ZNF143: variants seen among roughly 807,000 people sequenced by gnomAD.
ZNF143 encodes the protein zinc finger protein 143.
A neutral mutation model predicts 74.1 loss-of-function variants in ZNF143; 49 were observed. The observed-to-expected ratio is 0.66, with a 90% CI of 0.53 to 0.84. The LOEUF is 0.84. ZNF143 is among the 40% of genes least tolerant of loss of function. The pLI is 0.00. For synonymous variants in ZNF143, 304 were observed against 282.8 expected (o/e 1.07, Z -0.75); for missense variants, 637 against 793.4 (o/e 0.80, Z 2.37).
Position 9,472,668 on chromosome 11 carries a change from T to G in ZNF143, c.113-9T>G. Reference sequence around the variant, plus strand: ...CTGTCTAAAGAAAATATTGATTTTTTTGTAATAGATGGTGACAACTTAGAA... The same window carrying G: ...CTGTCTAAAGAAAATATTGATTTTTGTGTAATAGATGGTGACAACTTAGAA... On this transcript the variant is annotated splice_polypyrimidine_tract_variant and intron_variant, in intron 2 of 15. Coordinates refer to ENST00000396602, the MANE Select transcript of ZNF143 (RefSeq NM_003442.6). 6.2e-7 allele frequency: 1 copy of G among 1,607,414 alleles called. No individual in the cohort carries two copies. Among genetic ancestry groups the G allele is most frequent in the Non-Finnish European group, 8.5e-7 (1 of 1,177,922 alleles).
chr11:9,484,803 T>TTTTTTTTTTTTC (rs1301260544), intron 7 of ZNF143, among the ~76,000 whole-genome samples: 2 of 103,056 alleles, frequency 1.9e-5, no homozygotes, highest in Non-Finnish European at 3.9e-5. Flanking sequence ...GCCAAAGATT[T>TTTTTTTTTTTTC]TTTTTTTTTT....
chr11:9,473,542 T>C lies in ZNF143; in HGVS notation c.206-399T>C, dbSNP rs114379995. ...CATGCATACATAAACAGGGGTCTTA[T>C]AGCCCTCAGGGATGAGAATGACAGA... On this transcript the variant is annotated intron_variant, in intron 3 of 15. Coordinates refer to ENST00000396602, the MANE Select transcript of ZNF143 (RefSeq NM_003442.6). 4.3e-3 allele frequency among the ~76,000 whole-genome samples: 658 copies of C among 152,342 alleles called. 6 individuals carry two copies. Among genetic ancestry groups the C allele is most frequent in the African/African-American group, 0.015 (631 of 41,578 alleles).
chr11:9,467,707 C>T (rs1445495369), intron 1 of ZNF143, among the ~76,000 whole-genome samples: 1 of 151,922 alleles, frequency 6.6e-6, no homozygotes, highest in African/African-American at 2.4e-5. Flanking sequence ...ATTACCTGGG[C>T]ATGGTGGTGT....
chr11:9,469,787 A>G (rs1273865460), intron 1 of ZNF143, among the ~76,000 whole-genome samples: 4 of 152,160 alleles, frequency 2.6e-5, no homozygotes, highest in African/African-American at 9.7e-5. Flanking sequence ...ACCTCAGGTG[A>G]TCCACCTGCT....
chr11:9,512,609 C>G lies in ZNF143; in HGVS notation c.1524+13C>G, dbSNP rs774309033. 1.2e-6 allele frequency: 2 copies of G among 1,612,740 alleles called. No homozygotes were observed. Among genetic ancestry groups the G allele is most frequent in the South Asian group, 2.2e-5 (2 of 91,030 alleles). On this transcript the variant is annotated intron_variant, in intron 13 of 15. Transcript: ENST00000396602. ...TGGGACTCAGCATGTAAGTATCCAC[C>G]AAAAGCCAAACAAATTAAATCTTTC...
In ZNF143 at chr11:9,516,331, T is replaced by C; in HGVS notation, c.1655T>C (p.Met552Thr). 1 of 1,613,796 alleles carries C rather than the reference T, an allele frequency of 6.2e-7. No individual in the cohort carries two copies. The highest frequency in any genetic ancestry group is 8.5e-7 in the Non-Finnish European group (1 of 1,179,812). The change falls in exon 14 of 16, where the codon ATG (methionine) becomes ACG (threonine). Residue 552 changes from methionine to threonine, a missense_variant. Met to Thr is a moderately conservative substitution (Grantham distance 81). This residue lies in a region of ZNF143 where 344 missense variants were observed against 485.6 expected (regional missense o/e 0.71). Coordinates refer to ENST00000396602, the MANE Select transcript of ZNF143 (RefSeq NM_003442.6). Reference sequence around the variant, plus strand: ...TCAGCAGGAACGCACTCTGTTGCTATGGTTACTGCTGAGGGTACAGAAGGG... The same window carrying C: ...TCAGCAGGAACGCACTCTGTTGCTACGGTTACTGCTGAGGGTACAGAAGGG... ...ISSAGTHSVA[M>T]VTAEGTEGEQ... is the part of the protein sequence containing the mutation.
intron 7 of ZNF143, among the ~76,000 whole-genome samples, chr11:9,486,115 T>G (rs1251924181): frequency 6.7e-6 from 1 of 149,950 alleles, no homozygotes; most frequent in Non-Finnish European, 1.5e-5. Flanking sequence ...TTTTTCTATT[T>G]GTAAATCATA....
chr11:9,476,833 C>T (rs1415402353), intron 5 of ZNF143, among the ~76,000 whole-genome samples: 1 of 127,828 alleles, frequency 7.8e-6, no homozygotes, highest in East Asian at 2.4e-4. Flanking sequence ...GATCTCGGCT[C>T]ACTGCAAGCT....
intron 7 of ZNF143, among the ~76,000 whole-genome samples, chr11:9,487,687 T>G (rs1847613437): frequency 6.6e-6 from 1 of 152,178 alleles, no homozygotes; most frequent in African/African-American, 2.4e-5. Flanking sequence ...AGAACATACA[T>G]TAAGTTTAAA....
chr11:9,464,222 C>T (rs1856053123), intron 1 of ZNF143, among the ~76,000 whole-genome samples: 1 of 152,050 alleles, frequency 6.6e-6, no homozygotes, highest in South Asian at 2.1e-4. Context: ...GCCTCAACCT[C>T]CCTGGCACAA....
chr11:9,521,020 C>T (rs1314197193), intron 14 of ZNF143, among the ~76,000 whole-genome samples: 2 of 152,140 alleles, frequency 1.3e-5, no homozygotes, highest in African/African-American at 4.8e-5. Context: ...TAGGTCACCA[C>T]AAAATTGAGA....
At chr11:9,515,515 G>A (rs1471811699) in intron 13 of ZNF143, among the ~76,000 whole-genome samples, 2 of 151,898 alleles carry the variant, frequency 1.3e-5, no homozygotes, top group Non-Finnish European at 2.9e-5. Context: ...TTAGCTGGGC[G>A]TGGTGGTGGG....
intron 5 of ZNF143, 47 bp from the exon 6 acceptor site, chr11:9,478,343 G>T (rs774266068): frequency 1.9e-6 from 3 of 1,575,136 alleles, no homozygotes; most frequent in East Asian, 4.5e-5. Context: ...GTAAATATTT[G>T]TCAGATTTTA....
chr11:9,508,990 T>C, intron 12 of ZNF143, 144 bp downstream of exon 12: 1 of 899,784 alleles, frequency 1.1e-6, no homozygotes, highest in Admixed American at 2.5e-5. Flanking sequence ...CAGTAAGTGC[T>C]ATTGAAGAAA....
At chr11:9,502,750 C>A (rs888194325) in intron 11 of ZNF143, among the ~76,000 whole-genome samples, 6 of 152,036 alleles carry the variant, frequency 3.9e-5, no homozygotes, top group Non-Finnish European at 8.8e-5. Flanking sequence ...CCCCACCCCG[C>A]CCCCCAGGTG....
chr11:9,471,087 T>G, intron 1 of ZNF143: 1 of 315,274 alleles, frequency 3.2e-6, no homozygotes, highest in Non-Finnish European at 5.8e-6. Flanking sequence ...CTAAGCGCAC[T>G]GACAAATTGT....
At chr11:9,506,508 G>A (rs1848370130) in intron 11 of ZNF143, among the ~76,000 whole-genome samples, 1 of 152,194 alleles carries the variant, frequency 6.6e-6, no homozygotes, top group South Asian at 2.1e-4. Context: ...CTGCATATTG[G>A]ATGTATCTCT....
intron 8 of ZNF143, among the ~76,000 whole-genome samples, chr11:9,495,553 T>C (rs565609472): frequency 6.6e-6 from 1 of 152,370 alleles, no homozygotes; most frequent in African/African-American, 2.4e-5. Context: ...GAACTTTCAA[T>C]GTGTCACGAA....
chr11:9,504,757 C>G, intron 11 of ZNF143, among the ~76,000 whole-genome samples: 1 of 117,524 alleles, frequency 8.5e-6, no homozygotes, highest in African/African-American at 2.7e-5. Flanking sequence ...TCACTGCAAC[C>G]TCCGCCTCCT....
Sources: allele counts gnomAD v4.1 joint callset (sites outside exome capture counted in the v4.1 genomes callset), GRCh38; gene constraint gnomAD v4.1.1; regional missense constraint gnomAD v4.1.1; transcripts MANE v1.5; gene names NCBI Gene and HGNC (gene_info 2026-07-23, HGNC 2026-07-21).